Variants in DDA1 observed in about 807,000 individuals in gnomAD.
DDA1 encodes DET1 and DDB1 associated 1, also known as DET1- and DDB1-associated protein 1.
Under a neutral mutation model 18.6 loss-of-function variants are expected in DDA1, and 3 were observed. The observed-to-expected ratio is 0.16, with a 90% CI of 0.07 to 0.42. The LOEUF (loss-of-function observed/expected upper bound fraction) is 0.42, where lower values mean the gene tolerates loss of function less well. Ranked by LOEUF, DDA1 falls within the 10% of genes least tolerant of loss-of-function variation. DDA1 has a pLI of 0.99. For synonymous variants in DDA1, 52 were observed against 54.0 expected (o/e 0.96, Z 0.17); for missense variants, 105 against 138.2 (o/e 0.76, Z 1.20).
chr19:17,316,250 C>T (rs2074212318), intron 4 of DDA1, among the ~76,000 whole-genome samples: 1 of 152,192 alleles, frequency 6.6e-6, no homozygotes, highest in Admixed American at 6.5e-5. Flanking sequence ...TTCCATGGCT[C>T]TGGCATTAGG....
rs1180544698 is a variant in DDA1 at position 17,320,016 on chromosome 19, G to T, written c.*360G>T. On this transcript the variant is annotated 3_prime_UTR_variant, in exon 5 of 5. Transcript: ENST00000359866. Reference sequence around the variant, plus strand: ...GAGTGTGTCTGTGAGAGTCTCTAGCGGGGGCTTTACTGTGGCCGGGCGACA... The same window carrying T: ...GAGTGTGTCTGTGAGAGTCTCTAGCTGGGGCTTTACTGTGGCCGGGCGACA... 3 of 203,920 alleles carry T rather than the reference G, an allele frequency of 1.5e-5. No individual in the cohort carries two copies. Among genetic ancestry groups the T allele is most frequent in the Non-Finnish European group, 3.0e-5 (3 of 99,602 alleles). The allele number at this position is 203,920 out of a possible 1,614,324, so 12.6% of individuals were successfully genotyped here. A position where few individuals can be genotyped will look rare whatever the true frequency, so the allele number is the denominator to read the frequency against.
In DDA1 at chr19:17,314,186, T is replaced by C; in HGVS notation, c.84+83T>C. ...AGCTTGTGTCCCCCGATTGGGGTCT[T>C]GGCTGGAACAGAGGCTGATCTTCAA... On this transcript the variant is annotated intron_variant, in intron 2 of 4. Transcript: ENST00000359866. This position sits in a 1 kb window ranked among gnomAD's most constrained non-coding sequence, Gnocchi z 4.6. The C allele has an allele frequency of 1.3e-6, 2 of 1,570,776 alleles. No homozygotes were observed. Among genetic ancestry groups the C allele is most frequent in the Non-Finnish European group, 1.8e-6 (2 of 1,142,236 alleles).
intron 1 of DDA1, among the ~76,000 whole-genome samples, chr19:17,313,433 CTTTTTTTTTTT>C (rs57148595): frequency 7.3e-5 from 6 of 82,540 alleles, no homozygotes; most frequent in South Asian, 4.3e-4. Context: ...TTGAAAATGG[CTTTTTTTTTTT>C]TTTTTTTTTT....
Position 17,320,127 on chromosome 19 carries a change from T to G in DDA1, c.*471T>G, listed in dbSNP as rs2074233085. ...ACCGGTCCAGGCCATTGAGACTCGG[T>G]CTTGTCCCACGCTTCGCCCGGAACT... On this transcript the variant is annotated 3_prime_UTR_variant, in exon 5 of 5. Transcript: ENST00000359866. The G allele has an allele frequency of 6.4e-6, 1 of 155,302 alleles. No homozygotes were observed. The highest frequency in any genetic ancestry group is 1.4e-5 in the Non-Finnish European group (1 of 70,002). 9.6% of individuals were successfully genotyped at this position (155,302 alleles called of 1,614,324 possible). A position where few individuals can be genotyped will look rare whatever the true frequency, so the allele number is the denominator to read the frequency against.
At chr19:17,315,228 TACACACACAC>T (rs2074201857) in intron 3 of DDA1, among the ~76,000 whole-genome samples, 1 of 35,706 alleles carries the variant, frequency 2.8e-5, no homozygotes, top group Non-Finnish European at 6.8e-5. Flanking sequence ...CACACGTGTA[TACACACACAC>T]GTGTATATAC....
In DDA1 at chr19:17,314,059, A is replaced by G; in HGVS notation, c.40A>G (p.Ser14Gly). ...GAAAGGACTGCCTGTCTACAACAAA[A>G]GCAATTTTAGTCGATTTCACGCGGA... is the stretch of plus-strand genomic sequence containing the variant. The part of the protein sequence containing the change: ...FLKGLPVYNK[S>G]NFSRFHADSV... The change falls in exon 2 of 5, where the codon AGC (serine) becomes GGC (glycine). Residue 14 changes from serine (S) to glycine (G), a missense_variant. Physicochemically the swap from Ser to Gly is moderately conservative, Grantham distance 56 (BLOSUM62 0). Around this residue, in one of 2 missense-constraint regions of DDA1, gnomAD observed 43 missense variants for 82.3 expected, o/e 0.52. Transcript: ENST00000359866. The surrounding 1 kb of genome is among the most constrained non-coding windows in gnomAD (Gnocchi z 4.6). The G allele has an allele frequency of 6.2e-7, 1 of 1,614,114 alleles. No individual in the cohort carries two copies. The highest frequency in any genetic ancestry group is 8.5e-7 in the Non-Finnish European group (1 of 1,180,008).
At chr19:17,319,043 C>G (rs1265695530) in intron 4 of DDA1, among the ~76,000 whole-genome samples, 1 of 152,118 alleles carries the variant, frequency 6.6e-6, no homozygotes, top group Non-Finnish European at 1.5e-5. Flanking sequence ...TGTGCGGCAT[C>G]CCCAGTGGCT....
chr19:17,313,710 T>G (rs897471858), intron 1 of DDA1, among the ~76,000 whole-genome samples: 2 of 152,192 alleles, frequency 1.3e-5, no homozygotes, highest in Non-Finnish European at 2.9e-5. Flanking sequence ...CCCAAAGTGC[T>G]GGGATTCAGG....
At chr19:17,318,211 C>A (rs1393863062) in intron 4 of DDA1, among the ~76,000 whole-genome samples, 2 of 151,160 alleles carry the variant, frequency 1.3e-5, no homozygotes, top group East Asian at 3.9e-4. Context: ...CGCCACCATG[C>A]CCAGCTAATT....
rs1238912856 is a variant in DDA1 at position 17,315,304 on chromosome 19, GTATATATATACACGC to G, written c.137-616_137-602del. On this transcript the variant is annotated intron_variant, in intron 3 of 4. Transcript: ENST00000359866. ...ACACACACTATATATATACACACGTGTATATATATACACGCTATATATATACACACGTATATATAT... is the reference window on the plus strand; with the variant it reads ...ACACACACTATATATATACACACGTGTATATATATACACACGTATATATAT... 4.1e-4 allele frequency among the ~76,000 whole-genome samples: 12 copies of G among 29,412 alleles called. 4 individuals are homozygous for G. The highest frequency in any genetic ancestry group is 2.9e-3 in the African/African-American group (10 of 3,462). The allele number at this position is 29,412 out of a possible 152,430, so 19.3% of individuals were successfully genotyped here.
Position 17,314,183 on chromosome 19 carries a change from T to C in DDA1, c.84+80T>C. 1 of 1,572,338 alleles carries C rather than the reference T, an allele frequency of 6.4e-7. No individual in the cohort carries two copies. ...GGCAGCTTGTGTCCCCCGATTGGGG[T>C]CTTGGCTGGAACAGAGGCTGATCTT... On this transcript the variant is annotated intron_variant, in intron 2 of 4. Coordinates refer to ENST00000359866, the MANE Select transcript of DDA1 (RefSeq NM_024050.6). The surrounding 1 kb of genome is among the most constrained non-coding windows in gnomAD (Gnocchi z 4.6).
At chr19:17,311,459 G>A (rs552182661) in intron 1 of DDA1, among the ~76,000 whole-genome samples, 65 of 152,210 alleles carry the variant, frequency 4.3e-4, no homozygotes, top group African/African-American at 1.4e-3. Context: ...CCGGCCAGAA[G>A]GAGCTTTTAA....
chr19:17,309,569 C>A lies in DDA1; in HGVS notation c.-86C>A. 1 of 1,397,710 alleles carries A rather than the reference C, an allele frequency of 7.2e-7. No homozygotes were observed. Among genetic ancestry groups the A allele is most frequent in the Non-Finnish European group, 1.0e-6 (1 of 987,628 alleles). 86.6% of individuals were successfully genotyped at this position (1,397,710 alleles called of 1,614,324 possible). ...TGGGCTGTGCCGTGGCTGGAAGTTA[C>A]TGTGAGGCGGCGGCTAAGAAGGCGG... On this transcript the variant is annotated 5_prime_UTR_variant, in exon 1 of 5. In the 5' UTR this introduces an upstream ATG that the reference lacks. Coordinates refer to ENST00000359866, the MANE Select transcript of DDA1 (RefSeq NM_024050.6).
intron 1 of DDA1, among the ~76,000 whole-genome samples, chr19:17,311,381 T>G (rs1448819528): frequency 1.3e-5 from 2 of 151,960 alleles, no homozygotes; most frequent in Non-Finnish European, 2.9e-5. Flanking sequence ...GGTCTTGAAC[T>G]CCTGACCTTG....
intron 4 of DDA1, among the ~76,000 whole-genome samples, chr19:17,316,225 C>G (rs1043543185): frequency 6.6e-6 from 1 of 152,202 alleles, no homozygotes; most frequent in African/African-American, 2.4e-5. Flanking sequence ...GCCCAAGTAG[C>G]CGCCAGGCCC....
chr19:17,316,316 G>A lies in DDA1; in HGVS notation c.198+321G>A, dbSNP rs1429210792. On this transcript the variant is annotated intron_variant, in intron 4 of 4. Coordinates refer to ENST00000359866, the MANE Select transcript of DDA1 (RefSeq NM_024050.6). ...ATTTTCTGAGGCCGAGTGTGGTGAC[G>A]CATGCCTGTAGTCCCAGCGCTTTGG... is the stretch of plus-strand genomic sequence containing the variant. Among the ~76,000 whole-genome samples the A allele has an allele frequency of 1.3e-4, 20 of 152,310 alleles. No homozygotes were observed. In the South Asian group the frequency reaches 1.9e-3, roughly 14 times the overall value.
At chr19:17,309,700 A>G in intron 1 of DDA1, 43 bp downstream of exon 1, 1 of 1,604,526 alleles carries the variant, frequency 6.2e-7, no homozygotes, top group Non-Finnish European at 8.5e-7. Context: ...CTGCTAGACA[A>G]AATGGCGCTG....
At chr19:17,317,683 A>AC (rs1277805158) in intron 4 of DDA1, among the ~76,000 whole-genome samples, 1 of 151,480 alleles carries the variant, frequency 6.6e-6, no homozygotes, top group African/African-American at 2.4e-5. Context: ...AAAAAAAAAA[A>AC]AAAAACAAAT....
chr19:17,316,123 C>G (rs2074211700), intron 4 of DDA1, 128 bp downstream of exon 4: 2 of 1,049,580 alleles, frequency 1.9e-6, no homozygotes, highest in African/African-American at 3.2e-5. Flanking sequence ...TAGGAGTGCC[C>G]TGGGCGATCC....
Sources: gnomAD v4.1 joint callset for allele counts (sites outside exome capture counted in the v4.1 genomes callset) on GRCh38, gnomAD v4.1.1 for gene constraint, gnomAD v4.1.1 regional missense constraint, Gnocchi (gnomAD v3.1) non-coding constraint, MANE v1.5 for transcripts, NCBI Gene and HGNC (gene_info 2026-07-23, HGNC 2026-07-21) for gene names.